Variants in ADCY5 observed in about 807,000 individuals in gnomAD.
The protein encoded by ADCY5 is adenylate cyclase 5, also known as adenylate cyclase type 5.
ADCY5 carries 30 observed loss-of-function variants against 119.7 expected under a neutral mutation model. That is an observed-to-expected ratio of 0.25 (90% CI 0.19 to 0.34). The LOEUF (loss-of-function observed/expected upper bound fraction) is 0.34, where lower values mean the gene tolerates loss of function less well. Ranked by LOEUF, ADCY5 falls within the 10% of genes least tolerant of loss-of-function variation. ADCY5 has a pLI of 1.00. For synonymous variants in ADCY5, 753 were observed against 762.2 expected (o/e 0.99, Z 0.20); for missense variants, 1,324 against 1,775.2 (o/e 0.75, Z 4.57).
chr3:123,401,176 A>G (rs572473900), intron 1 of ADCY5, among the ~76,000 whole-genome samples: 148 of 152,292 alleles, frequency 9.7e-4, no homozygotes, highest in Admixed American at 1.4e-3. Context: ...ATATGCATAA[A>G]TAATTTTGAA....
At chr3:123,322,151 G>A (rs1007153064) in intron 8 of ADCY5, among the ~76,000 whole-genome samples, 1 of 152,206 alleles carries the variant, frequency 6.6e-6, no homozygotes, top group South Asian at 2.1e-4. Flanking sequence ...CAGGCGTGGC[G>A]GGCAGCAGAG....
chr3:123,354,641 AAG>A (rs1204546371), intron 1 of ADCY5, among the ~76,000 whole-genome samples: 1 of 152,154 alleles, frequency 6.6e-6, no homozygotes, highest in Non-Finnish European at 1.5e-5. Context: ...TCTGTGTGAA[AAG>A]AGAGGAAGGT....
chr3:123,321,304 G>C (rs772859569), intron 8 of ADCY5, among the ~76,000 whole-genome samples: 9 of 152,194 alleles, frequency 5.9e-5, no homozygotes, highest in Non-Finnish European at 1.2e-4. Flanking sequence ...AGCTGTTTCA[G>C]TAACTGAAAA....
rs34573753 is a variant in ADCY5 at position 123,319,353 on chromosome 3, C to CA, written c.2256+320dup. The stretch of plus-strand genomic sequence containing the variant: ...TGGCCAACAGAGTGAAACTCCGTCT[C>CA]AAAAAAAAAAAAAATGAAAAAAGAA... On this transcript the variant is annotated intron_variant, in intron 10 of 20. Transcript: ENST00000462833. Among the ~76,000 whole-genome samples the CA allele has an allele frequency of 0.051, 6,020 of 118,358 alleles. 429 individuals are homozygous for CA. Among genetic ancestry groups the CA allele is most frequent in the African/African-American group, 0.17 (5,445 of 31,394 alleles). 77.6% of individuals were successfully genotyped at this position (118,358 alleles called of 152,430 possible). A position where few individuals can be genotyped will look rare whatever the true frequency, so the allele number is the denominator to read the frequency against.
chr3:123,401,060 G>GTC (rs1944736978), intron 1 of ADCY5, among the ~76,000 whole-genome samples: 1 of 152,144 alleles, frequency 6.6e-6, no homozygotes, highest in Admixed American at 6.5e-5. Flanking sequence ...GGACACACAT[G>GTC]TATGTCCACA....
chr3:123,439,682 T>G lies in ADCY5; in HGVS notation c.1134+7730A>C, dbSNP rs954163713. 2.5e-4 allele frequency among the ~76,000 whole-genome samples: 38 copies of G among 152,188 alleles called. 1 individual carries two copies. Among genetic ancestry groups the G allele is most frequent in the African/African-American group, 2.4e-5 (1 of 41,446 alleles). ...CCTTGGATAAGGAGGGACTACTGTA[T>G]GTGAGACATCTATGAACAGCCCTCC... On this transcript the variant is annotated intron_variant, in intron 1 of 20. Coordinates refer to ENST00000462833, the MANE Select transcript of ADCY5 (RefSeq NM_183357.3).
At chr3:123,333,408 A>C (rs1941869400) in intron 3 of ADCY5, among the ~76,000 whole-genome samples, 2 of 152,242 alleles carry the variant, frequency 1.3e-5, no homozygotes, top group Non-Finnish European at 2.9e-5. Flanking sequence ...GAGGAGAGGC[A>C]GGGCTTATGG....
chr3:123,352,415 GC>G lies in ADCY5; in HGVS notation c.1284+16del. On this transcript the variant is annotated intron_variant, in intron 2 of 20. Coordinates refer to ENST00000462833, the MANE Select transcript of ADCY5 (RefSeq NM_183357.3). This position sits in a 1 kb window ranked among gnomAD's most constrained non-coding sequence, Gnocchi z 4.8. Reference sequence around the variant, plus strand: ...CTCGACTCCGTCCCACTGTGCAAGGGCAGGGGCCTCACTCACCTGCTGCTGG... The same window carrying G: ...CTCGACTCCGTCCCACTGTGCAAGGGAGGGGCCTCACTCACCTGCTGCTGG... The G allele has an allele frequency of 6.2e-7, 1 of 1,607,462 alleles. No individual in the cohort carries two copies. The highest frequency in any genetic ancestry group is 8.5e-7 in the Non-Finnish European group (1 of 1,178,344).
chr3:123,398,806 C>A (rs1944673484), intron 1 of ADCY5, among the ~76,000 whole-genome samples: 1 of 152,230 alleles, frequency 6.6e-6, no homozygotes, highest in African/African-American at 2.4e-5. Flanking sequence ...GCGAGCCACA[C>A]TGCAGTCTGT....
chr3:123,440,643 CCT>C lies in ADCY5; in HGVS notation c.1134+6767_1134+6768del, dbSNP rs549406088. Among the ~76,000 whole-genome samples, 15 of 152,166 alleles carry C rather than the reference CCT, an allele frequency of 9.9e-5. No homozygotes were observed. The South Asian group carries it at 1.2e-3, about 13-fold the overall frequency. On this transcript the variant is annotated intron_variant, in intron 1 of 20. Coordinates refer to ENST00000462833, the MANE Select transcript of ADCY5 (RefSeq NM_183357.3). ...CATCGCCTGTCTTGCTCCTCCACCC[CCT>C]GACTTCCTCATTCTCCACACTCTAT...
At position 123,419,650 on chromosome 3, in the gene ADCY5, G is replaced by C. The variant is rs970883779; in HGVS notation, c.1134+27762C>G. ...GGAGGACCCTGTGCTTGGGTCACCG[G>C]GGAAGACTCTGTGTACCCGGACATA... On this transcript the variant is annotated intron_variant, in intron 1 of 20. Coordinates refer to ENST00000462833, the MANE Select transcript of ADCY5 (RefSeq NM_183357.3). Among the ~76,000 whole-genome samples the C allele has an allele frequency of 1.5e-4, 23 of 152,054 alleles. 1 individual carries two copies. The highest frequency in any genetic ancestry group is 5.1e-4 in the African/African-American group (21 of 41,384).
At chr3:123,394,795 GGAT>G (rs1442690711) in intron 1 of ADCY5, among the ~76,000 whole-genome samples, 2 of 152,134 alleles carry the variant, frequency 1.3e-5, no homozygotes, top group Non-Finnish European at 2.9e-5. Flanking sequence ...TTGTGGCAGG[GGAT>G]GATAATTAAC....
At chr3:123,355,733 G>T (rs1378006807) in intron 1 of ADCY5, among the ~76,000 whole-genome samples, 2 of 151,322 alleles carry the variant, frequency 1.3e-5, no homozygotes, top group Non-Finnish European at 2.9e-5. Flanking sequence ...AATTTTAAAA[G>T]ACTTTAATAA....
intron 1 of ADCY5, among the ~76,000 whole-genome samples, chr3:123,411,949 C>A (rs1212497618): frequency 2.6e-5 from 4 of 152,170 alleles, no homozygotes; most frequent in African/African-American, 9.7e-5. Context: ...GGTACCAAGC[C>A]CACCCACACA....
At chr3:123,436,504 G>C (rs537965175) in intron 1 of ADCY5, among the ~76,000 whole-genome samples, 1 of 152,074 alleles carries the variant, frequency 6.6e-6, no homozygotes, top group Non-Finnish European at 1.5e-5. Context: ...TCAGGAGTTC[G>C]AGACCAGCCT....
intron 2 of ADCY5, among the ~76,000 whole-genome samples, chr3:123,350,312 T>C (rs1467604448): frequency 6.6e-6 from 1 of 152,134 alleles, no homozygotes; most frequent in African/African-American, 2.4e-5. Context: ...GCCCAGAGCC[T>C]TATGCTCGAG....
At chr3:123,322,003 G>A (rs1321066798) in intron 8 of ADCY5, among the ~76,000 whole-genome samples, 2 of 152,188 alleles carry the variant, frequency 1.3e-5, no homozygotes, top group East Asian at 3.9e-4. Context: ...TCTGAGAATG[G>A]CCAGGCCCTC....
intron 1 of ADCY5, among the ~76,000 whole-genome samples, chr3:123,426,282 T>C (rs892248163): frequency 3.5e-5 from 5 of 141,722 alleles, no homozygotes; most frequent in African/African-American, 1.3e-4. Context: ...TTTTTTTTTC[T>C]TTTTCTTTTC....
At chr3:123,359,032 T>C (rs190125766) in intron 1 of ADCY5, among the ~76,000 whole-genome samples, 2 of 151,758 alleles carry the variant, frequency 1.3e-5, no homozygotes, top group African/African-American at 4.8e-5. Context: ...CAAAGGGGAA[T>C]GAGAAATGCA....
Sources: gnomAD v4.1 joint callset for allele counts (sites outside exome capture counted in the v4.1 genomes callset) on GRCh38, gnomAD v4.1.1 for gene constraint, Gnocchi (gnomAD v3.1) non-coding constraint, MANE v1.5 for transcripts, NCBI Gene and HGNC (gene_info 2026-07-23, HGNC 2026-07-21) for gene names.